The following FAR2 variants were observed in gnomAD, a reference collection of about 807,000 sequenced individuals.
The protein encoded by FAR2 is fatty acyl-CoA reductase 2.
A neutral mutation model predicts 56.0 loss-of-function variants in FAR2; 19 were observed. That is an observed-to-expected ratio of 0.34 (90% confidence interval 0.24 to 0.50). The LOEUF (loss-of-function observed/expected upper bound fraction) is 0.50, where lower values mean the gene tolerates loss of function less well. FAR2 is among the 20% of genes least tolerant of loss of function. The pLI is 0.98. For synonymous variants in FAR2, 219 were observed against 218.8 expected (o/e 1.00, Z -0.01); for missense variants, 508 against 642.2 (o/e 0.79, Z 2.26).
intron 1 of FAR2, among the ~76,000 whole-genome samples, chr12:29,190,877 C>G (rs566779278): frequency 9.9e-5 from 15 of 152,160 alleles, no homozygotes; most frequent in Non-Finnish European, 2.1e-4. Flanking sequence ...TGTTTTGTTA[C>G]TGCTTTGGGG....
chr12:29,236,873 A>C (rs1335860104), intron 1 of FAR2, among the ~76,000 whole-genome samples: 1 of 151,996 alleles, frequency 6.6e-6, no homozygotes, highest in East Asian at 1.9e-4. Context: ...CAGAGCATCA[A>C]CCCCACTAAA....
intron 6 of FAR2, among the ~76,000 whole-genome samples, chr12:29,310,159 T>C (rs763620050): frequency 8.5e-5 from 13 of 152,352 alleles, no homozygotes; most frequent in Admixed American, 2.6e-4. Flanking sequence ...GGTGAACGTT[T>C]AGTGACTTAG....
intron 10 of FAR2, chr12:29,331,303 G>A (rs1949729352): frequency 6.6e-6 from 1 of 151,408 alleles, no homozygotes; most frequent in Admixed American, 6.6e-5. Context: ...CCAATTGGAA[G>A]GACAAAAGCA....
rs532431200 is a variant in FAR2 at position 29,249,501 on chromosome 12, C to T, written c.-38-20911C>T. Among the ~76,000 whole-genome samples, 9 of 152,262 alleles carry T rather than the reference C, an allele frequency of 5.9e-5. No individual in the cohort carries two copies. In the East Asian group the frequency reaches 1.5e-3, roughly 26 times the overall value. On this transcript the variant is annotated intron_variant, in intron 1 of 11. Coordinates refer to ENST00000536681, the MANE Select transcript of FAR2 (RefSeq NM_001271783.2). ...ATACTTTTTAAAACTTTGAGTTATT[C>T]ATTTGAAAGGGTATCTCTACATTCC... is the stretch of plus-strand genomic sequence containing the variant.
chr12:29,165,051 C>T (rs1033559739), intron 1 of FAR2, among the ~76,000 whole-genome samples: 2 of 152,166 alleles, frequency 1.3e-5, no homozygotes, highest in African/African-American at 4.8e-5. Flanking sequence ...GTTTTTGAAG[C>T]ACAGAAGTTC....
chr12:29,300,810 G>A (rs1390442950), intron 4 of FAR2, among the ~76,000 whole-genome samples: 2 of 152,150 alleles, frequency 1.3e-5, no homozygotes, highest in Non-Finnish European at 2.9e-5. Context: ...TCACCATGAC[G>A]ACGTAAAATG....
At chr12:29,247,832 T>A (rs969334833) in intron 1 of FAR2, among the ~76,000 whole-genome samples, 4 of 152,236 alleles carry the variant, frequency 2.6e-5, no homozygotes, top group Admixed American at 6.5e-5. Context: ...CATGCCATAG[T>A]AGTACAATAA....
chr12:29,315,502 C>T (rs375618466), intron 8 of FAR2, among the ~76,000 whole-genome samples: 20 of 152,102 alleles, frequency 1.3e-4, no homozygotes, highest in East Asian at 9.6e-4. Flanking sequence ...AGAATCACTC[C>T]GGCTGCCACA....
intron 1 of FAR2, among the ~76,000 whole-genome samples, chr12:29,236,393 A>C (rs1235770004): frequency 3.9e-5 from 6 of 152,184 alleles, no homozygotes; most frequent in Non-Finnish European, 8.8e-5. Flanking sequence ...CTGCTTCATT[A>C]GTCCATTTTC....
chr12:29,270,848 C>A (rs1294729667), intron 2 of FAR2, among the ~76,000 whole-genome samples: 2 of 152,172 alleles, frequency 1.3e-5, no homozygotes, highest in African/African-American at 2.4e-5. Flanking sequence ...CAGTCCAGGG[C>A]AGGTGAGATT....
intron 3 of FAR2, among the ~76,000 whole-genome samples, chr12:29,294,301 A>G (rs1434482626): frequency 6.6e-6 from 1 of 150,774 alleles, no homozygotes; most frequent in Non-Finnish European, 1.5e-5. Context: ...CTATTGAAAC[A>G]TTTTTTTCTT....
chr12:29,214,891 C>T (rs764968302), intron 1 of FAR2, among the ~76,000 whole-genome samples: 57 of 151,704 alleles, frequency 3.8e-4, no homozygotes, highest in Non-Finnish European at 7.1e-4. Flanking sequence ...ATATGACTGA[C>T]GACAGGGAAA....
intron 1 of FAR2, among the ~76,000 whole-genome samples, chr12:29,205,983 G>A (rs1420240623): frequency 6.6e-6 from 1 of 152,130 alleles, no homozygotes; most frequent in Admixed American, 6.5e-5. Flanking sequence ...CTATCTCCCA[G>A]GAGTAGAAGC....
At chr12:29,274,290 G>T (rs1311387879) in intron 2 of FAR2, among the ~76,000 whole-genome samples, 7 of 147,736 alleles carry the variant, frequency 4.7e-5, no homozygotes, top group African/African-American at 1.8e-4. Context: ...GAGAACATGT[G>T]GTGTTTGGTT....
chr12:29,203,999 C>G lies in FAR2; in HGVS notation c.-39+54592C>G, dbSNP rs556861195. Among the ~76,000 whole-genome samples, 345 of 68,110 alleles carry G rather than the reference C, an allele frequency of 5.1e-3. 5 individuals are homozygous for G. The highest frequency in any genetic ancestry group is 0.017 in the Middle Eastern group (1 of 60). The allele number at this position is 68,110 out of a possible 152,430, so 44.7% of individuals were successfully genotyped here. A position where few individuals can be genotyped will look rare whatever the true frequency, so the allele number is the denominator to read the frequency against. ...TGGGAGAGAGAGTGAGATTCCATCTCAAAAAAAAAAAAAAAAAAAAAAAAG... is the reference window on the plus strand; with the variant it reads ...TGGGAGAGAGAGTGAGATTCCATCTGAAAAAAAAAAAAAAAAAAAAAAAAG... On this transcript the variant is annotated intron_variant, in intron 1 of 11. Transcript: ENST00000536681.
intron 1 of FAR2, among the ~76,000 whole-genome samples, chr12:29,226,168 T>C (rs935889786): frequency 6.6e-6 from 1 of 152,244 alleles, no homozygotes. Context: ...TAAATGTTAG[T>C]GATTCTTATC....
chr12:29,174,310 T>A, intron 1 of FAR2, among the ~76,000 whole-genome samples: 1 of 152,058 alleles, frequency 6.6e-6, no homozygotes, highest in Non-Finnish European at 1.5e-5. Context: ...TATGTCTTTC[T>A]GATTGATGAG....
chr12:29,211,179 T>A (rs966993777), intron 1 of FAR2, among the ~76,000 whole-genome samples: 2 of 152,070 alleles, frequency 1.3e-5, no homozygotes, highest in African/African-American at 4.8e-5. Context: ...TAATCCCAAC[T>A]ACTTGGGAGG....
chr12:29,233,239 C>G (rs1032920016), intron 1 of FAR2, among the ~76,000 whole-genome samples: 2 of 152,178 alleles, frequency 1.3e-5, no homozygotes, highest in African/African-American at 4.8e-5. Context: ...CTTCTCTGCA[C>G]CTGATTATGC....
Sources: gnomAD v4.1 joint callset for allele counts (sites outside exome capture counted in the v4.1 genomes callset) on GRCh38, gnomAD v4.1.1 for gene constraint, MANE v1.5 for transcripts, NCBI Gene and HGNC (gene_info 2026-07-23, HGNC 2026-07-21) for gene names.